VAV3: variants seen among roughly 807,000 people sequenced by gnomAD.
VAV3 encodes the protein vav guanine nucleotide exchange factor 3, also known as guanine nucleotide exchange factor VAV3.
A neutral mutation model predicts 131.2 loss-of-function variants in VAV3; 94 were observed. The observed-to-expected ratio is 0.72, with a 90% CI of 0.61 to 0.85. VAV3 has a LOEUF of 0.85. Among genes scored for constraint, VAV3 ranks in the 40% least tolerant of loss-of-function variants. The pLI is 0.00. For synonymous variants in VAV3, 349 were observed against 342.0 expected, an observed-to-expected ratio of 1.02 and a Z score of -0.22; for missense variants, 939 against 1,002.7, an observed-to-expected ratio of 0.94 and a Z score of 0.86.
At chr1:107,669,541 C>T in intron 19 of VAV3, 1 of 1,251,000 alleles carries the variant, frequency 8.0e-7, no homozygotes. Flanking sequence ...GGATCCATTC[C>T]TATCTTTGAT....
chr1:107,809,262 T>C (rs1326624537), intron 2 of VAV3, among the ~76,000 whole-genome samples: 1 of 152,204 alleles, frequency 6.6e-6, no homozygotes, highest in Non-Finnish European at 1.5e-5. Context: ...ATCAGCACTA[T>C]AATTAGACAC....
At chr1:107,782,835 T>C (rs1339094898) in intron 2 of VAV3, among the ~76,000 whole-genome samples, 6 of 152,216 alleles carry the variant, frequency 3.9e-5, no homozygotes, top group Non-Finnish European at 8.8e-5. Context: ...ACTGGAAACA[T>C]CCATTCAAGA....
intron 25 of VAV3, among the ~76,000 whole-genome samples, chr1:107,582,241 A>C (rs1055312893): frequency 5.3e-5 from 8 of 152,160 alleles, no homozygotes; most frequent in African/African-American, 1.7e-4. Flanking sequence ...CTGAGAATTT[A>C]ATGAATGCTT....
chr1:107,950,871 A>G (rs1284363007), intron 1 of VAV3, among the ~76,000 whole-genome samples: 1 of 152,194 alleles, frequency 6.6e-6, no homozygotes, highest in Non-Finnish European at 1.5e-5. Flanking sequence ...AGAAGTAGCA[A>G]GTCTAGAGGT....
intron 2 of VAV3, among the ~76,000 whole-genome samples, chr1:107,856,928 A>G (rs1216041730): frequency 1.3e-5 from 2 of 152,102 alleles, no homozygotes; most frequent in African/African-American, 2.4e-5. Context: ...AGTCCTAGTT[A>G]CTTGGCAGGC....
intron 1 of VAV3, among the ~76,000 whole-genome samples, chr1:107,962,861 T>C (rs1675167123): frequency 6.6e-6 from 1 of 152,224 alleles, no homozygotes; most frequent in Non-Finnish European, 1.5e-5. Flanking sequence ...TGATTTACCA[T>C]CTGATAGCAT....
At chr1:107,673,803 A>C (rs988381065) in intron 19 of VAV3, among the ~76,000 whole-genome samples, 1 of 152,240 alleles carries the variant, frequency 6.6e-6, no homozygotes, top group Non-Finnish European at 1.5e-5. Flanking sequence ...AAAAATAAAC[A>C]TATGAGGAAA....
At chr1:107,840,216 G>A (rs1436327865) in intron 2 of VAV3, among the ~76,000 whole-genome samples, 3 of 152,184 alleles carry the variant, frequency 2.0e-5, no homozygotes, top group African/African-American at 7.2e-5. Context: ...TGTTGTAAAT[G>A]TTGTAAATGT....
chr1:107,683,851 A>G (rs1361258594), intron 18 of VAV3, among the ~76,000 whole-genome samples: 3 of 152,224 alleles, frequency 2.0e-5, no homozygotes, highest in Non-Finnish European at 4.4e-5. Flanking sequence ...AACAAAGCCC[A>G]GCAGCCATCT....
At chr1:107,663,764 C>T (rs1478764823) in intron 19 of VAV3, among the ~76,000 whole-genome samples, 1 of 152,172 alleles carries the variant, frequency 6.6e-6, no homozygotes, top group Non-Finnish European at 1.5e-5. Flanking sequence ...ACTGCAGCTA[C>T]TTATGGATCT....
chr1:107,640,848 T>C (rs1423480592), intron 20 of VAV3, among the ~76,000 whole-genome samples: 3 of 151,852 alleles, frequency 2.0e-5, no homozygotes, highest in Non-Finnish European at 4.4e-5. Flanking sequence ...GGCTGAGTTA[T>C]GTGTTTAATA....
chr1:107,619,573 G>A, intron 20 of VAV3, among the ~76,000 whole-genome samples: 1 of 152,082 alleles, frequency 6.6e-6, no homozygotes, highest in East Asian at 1.9e-4. Context: ...ATTAAGCTCA[G>A]AAGAGAAAAG....
In VAV3 at chr1:107,753,527, C is replaced by CATAT. The variant is rs752202122; in HGVS notation, c.1173+1899_1173+1900insATAT. Among the ~76,000 whole-genome samples the CATAT allele has an allele frequency of 3.3e-4, 31 of 94,752 alleles. 1 individual carries two copies. The highest frequency in any genetic ancestry group is 9.7e-4 in the African/African-American group (24 of 24,712). The allele number at this position is 94,752 out of a possible 152,430, so 62.2% of individuals were successfully genotyped here. A position where few individuals can be genotyped will look rare whatever the true frequency, so the allele number is the denominator to read the frequency against. ...ATATATACACACATATATATATATA[C>CATAT]GTATATATATATATATATATATACA... On this transcript the variant is annotated intron_variant, in intron 12 of 26. Coordinates refer to ENST00000370056, the MANE Select transcript of VAV3 (RefSeq NM_006113.5).
At chr1:107,673,148 A>G (rs1657943016) in intron 19 of VAV3, among the ~76,000 whole-genome samples, 1 of 152,228 alleles carries the variant, frequency 6.6e-6, no homozygotes, top group South Asian at 2.1e-4. Flanking sequence ...AATAAATTAT[A>G]CTAAAACCCA....
chr1:107,666,482 G>A (rs571372201), intron 19 of VAV3, among the ~76,000 whole-genome samples: 1 of 152,172 alleles, frequency 6.6e-6, no homozygotes, highest in East Asian at 1.9e-4. Context: ...TCTGGACCAG[G>A]AGCCACTATT....
At chr1:107,745,529 A>G (rs1455217870) in intron 15 of VAV3, among the ~76,000 whole-genome samples, 1 of 152,160 alleles carries the variant, frequency 6.6e-6, no homozygotes, top group East Asian at 1.9e-4. Flanking sequence ...TTATGGCCAA[A>G]GAAGGTCAGA....
chr1:107,746,856 A>G (rs1349167757), intron 15 of VAV3, among the ~76,000 whole-genome samples: 1 of 150,966 alleles, frequency 6.6e-6, no homozygotes, highest in South Asian at 2.1e-4. Flanking sequence ...TCAAATGCTG[A>G]CAATAGTATT....
In VAV3 at chr1:107,964,773, G is replaced by C. The variant is rs749053049; in HGVS notation, c.97C>G (p.Leu33Val). The C allele has an allele frequency of 6.2e-7, 1 of 1,614,100 alleles. No homozygotes were observed. The highest frequency in any genetic ancestry group is 1.1e-5 in the South Asian group (1 of 91,082). Residue 33 changes from leucine to valine, a missense_variant, in exon 1 of 27, where the codon CTT becomes GTT. Transcript: ENST00000370056. ...ACTCCATCGCGGAGGGTCTGCGCAA[G>C]GTCGAACACCTGAGCCGAGTCCCAG... ...VTWDSAQVFD[L>V]AQTLRDGVLL...
intron 25 of VAV3, among the ~76,000 whole-genome samples, chr1:107,590,199 C>T (rs1319724777): frequency 7.1e-6 from 1 of 141,010 alleles, no homozygotes; most frequent in African/African-American, 2.6e-5. Flanking sequence ...CTATTTGTCA[C>T]CACACTGAAA....
Sources: allele counts gnomAD v4.1 joint callset (sites outside exome capture counted in the v4.1 genomes callset), GRCh38; gene constraint gnomAD v4.1.1; transcripts MANE v1.5; gene names NCBI Gene and HGNC (gene_info 2026-07-23, HGNC 2026-07-21).